Variants in MUSK observed in about 807,000 individuals in gnomAD.
MUSK encodes the protein muscle, skeletal receptor tyrosine-protein kinase.
A neutral mutation model predicts 88.7 loss-of-function variants in MUSK; 55 were observed. The ratio of observed to expected loss-of-function variants is 0.62; its 90% CI spans 0.50 to 0.78. The LOEUF (loss-of-function observed/expected upper bound fraction) is 0.78, where lower values mean the gene tolerates loss of function less well. Ranked by LOEUF, MUSK falls within the 30% of genes least tolerant of loss-of-function variation. MUSK has a pLI of 0.00. For missense variants in MUSK, 1,015 were observed against 1,074.3 expected, an observed-to-expected ratio of 0.94 and a Z score of 0.77; for synonymous variants, 387 against 391.9, an observed-to-expected ratio of 0.99 and a Z score of 0.15.
intron 7 of MUSK, among the ~76,000 whole-genome samples, chr9:110,753,677 C>T (rs891919646): frequency 1.3e-5 from 2 of 152,048 alleles, no homozygotes; most frequent in Admixed American, 6.6e-5. Context: ...TTCTTTGAAT[C>T]GACCTCAGGG....
rs2132025768 is a variant in MUSK at position 110,785,600 on chromosome 9, T to C, written c.1660T>C (p.Tyr554His). 1 of 1,613,526 alleles carries C rather than the reference T, an allele frequency of 6.2e-7. No homozygotes were observed. The highest frequency in any genetic ancestry group is 8.5e-7 in the Non-Finnish European group (1 of 1,179,674). The change falls in exon 13 of 15, where the codon TAC becomes CAC. Residue 554 changes from tyrosine to histidine, a missense_variant. By Grantham distance (83) the Tyr-to-His change is moderately conservative. Transcript: ENST00000374448. ...AGATAGACTTCATCCCAACCCCATG[T>C]ACCAGAGGATGCCGCTCCTTCTGAA... is the stretch of plus-strand genomic sequence containing the variant. ...LLDRLHPNPM[Y>H]QRMPLLLNPK...
At chr9:110,674,092 G>A (rs934951098) in intron 1 of MUSK, among the ~76,000 whole-genome samples, 4 of 152,018 alleles carry the variant, frequency 2.6e-5, no homozygotes, top group African/African-American at 7.2e-5. Flanking sequence ...AAAAAAAGAC[G>A]TGGATTTGTT....
At chr9:110,728,455 C>T (rs1177830319) in intron 5 of MUSK, among the ~76,000 whole-genome samples, 1 of 152,018 alleles carries the variant, frequency 6.6e-6, no homozygotes, top group South Asian at 2.1e-4. Flanking sequence ...TATAATACTG[C>T]CTGGCTAAAA....
At chr9:110,777,057 T>C (rs1251206294) in intron 11 of MUSK, among the ~76,000 whole-genome samples, 1 of 152,134 alleles carries the variant, frequency 6.6e-6, no homozygotes, top group Admixed American at 6.5e-5. Context: ...TCTTCATTTG[T>C]GACAATAGAT....
intron 1 of MUSK, among the ~76,000 whole-genome samples, chr9:110,672,756 C>A (rs902520403): frequency 1.3e-5 from 2 of 152,030 alleles, no homozygotes; most frequent in African/African-American, 4.8e-5. Context: ...GCAAATACAC[C>A]TTGTTTCTTT....
At position 110,780,628 on chromosome 9, in the gene MUSK, G is replaced by A. The variant is rs150318687; in HGVS notation, c.1384+3973G>A. On this transcript the variant is annotated intron_variant, in intron 11 of 14. Transcript: ENST00000374448. Reference sequence around the variant, plus strand: ...GTTGAAAAGTGTATTAACTGGGTATGGAACTCCTGAGTGACATTTCTTTGG... The same window carrying A: ...GTTGAAAAGTGTATTAACTGGGTATAGAACTCCTGAGTGACATTTCTTTGG... Among the ~76,000 whole-genome samples the A allele has an allele frequency of 7.2e-4, 110 of 152,276 alleles. 1 individual carries two copies. The highest frequency in any genetic ancestry group is 2.4e-3 in the African/African-American group (101 of 41,562).
At chr9:110,688,911 G>C (rs935186801) in intron 3 of MUSK, among the ~76,000 whole-genome samples, 2 of 143,872 alleles carry the variant, frequency 1.4e-5, no homozygotes, top group Non-Finnish European at 3.0e-5. Context: ...TTGTTTTTTT[G>C]TTATATATAT....
chr9:110,679,349 C>T (rs186104173), intron 1 of MUSK, among the ~76,000 whole-genome samples: 3 of 152,132 alleles, frequency 2.0e-5, no homozygotes, highest in African/African-American at 4.8e-5. Context: ...CTTATAAATG[C>T]ATATGCCCCT....
At chr9:110,673,333 T>C (rs2075984846) in intron 1 of MUSK, among the ~76,000 whole-genome samples, 1 of 152,208 alleles carries the variant, frequency 6.6e-6, no homozygotes, top group South Asian at 2.1e-4. Flanking sequence ...ATTTTTGTGA[T>C]ATGTAGACAA....
At chr9:110,693,668 G>A (rs2076388198) in intron 3 of MUSK, among the ~76,000 whole-genome samples, 1 of 152,184 alleles carries the variant, frequency 6.6e-6, no homozygotes, top group Admixed American at 6.5e-5. Context: ...TTTCCCAAAA[G>A]GGAATTCCTC....
intron 5 of MUSK, among the ~76,000 whole-genome samples, chr9:110,727,892 T>A (rs1052460288): frequency 6.6e-6 from 1 of 152,110 alleles, no homozygotes; most frequent in African/African-American, 2.4e-5. Context: ...AGGTTCAAAT[T>A]TACATGAACA....
At chr9:110,759,953 T>C (rs2077375059) in intron 7 of MUSK, among the ~76,000 whole-genome samples, 1 of 152,074 alleles carries the variant, frequency 6.6e-6, no homozygotes. Flanking sequence ...GGAAAATAAC[T>C]TGAACCCAGG....
intron 5 of MUSK, among the ~76,000 whole-genome samples, chr9:110,710,579 G>A (rs1454815250): frequency 6.6e-6 from 1 of 152,076 alleles, no homozygotes; most frequent in East Asian, 1.9e-4. Flanking sequence ...AATCAGCAAT[G>A]CTTTGTACCT....
At chr9:110,694,406 AC>A (rs57108401) in intron 3 of MUSK, among the ~76,000 whole-genome samples, 5,327 of 119,386 alleles carry the variant, frequency 0.045, 254 homozygotes, top group East Asian at 0.082. Flanking sequence ...AAAAAAAAAA[AC>A]AAAAAAACAA....
intron 1 of MUSK, 99 bp from the exon 2 acceptor site, chr9:110,682,575 G>C: frequency 8.2e-7 from 1 of 1,213,160 alleles, no homozygotes; most frequent in Non-Finnish European, 1.1e-6. Flanking sequence ...TGGGGAAACA[G>C]AATTCTCATT....
At chr9:110,728,748 T>G (rs1168647255) in intron 5 of MUSK, 1 of 1,549,636 alleles carries the variant, frequency 6.5e-7, no homozygotes, top group Non-Finnish European at 8.7e-7. Context: ...ATGGCTTCTT[T>G]TTAATTGTGT....
chr9:110,751,753 A>C (rs1294460701), intron 7 of MUSK, among the ~76,000 whole-genome samples: 1 of 152,072 alleles, frequency 6.6e-6, no homozygotes, highest in Admixed American at 6.5e-5. Flanking sequence ...GTAGAGGTAG[A>C]GAAGGCAGCA....
intron 5 of MUSK, among the ~76,000 whole-genome samples, chr9:110,706,863 G>T (rs1045870689): frequency 6.6e-6 from 1 of 152,036 alleles, no homozygotes; most frequent in African/African-American, 2.4e-5. Context: ...AATTAGCCGG[G>T]CATGGTGGTG....
intron 1 of MUSK, among the ~76,000 whole-genome samples, chr9:110,680,843 G>C (rs1356298693): frequency 6.9e-6 from 1 of 144,156 alleles, no homozygotes; most frequent in Non-Finnish European, 1.5e-5. Context: ...ACTCCTATCA[G>C]AGGTGTATTA....
Sources: allele counts gnomAD v4.1 joint callset (sites outside exome capture counted in the v4.1 genomes callset), GRCh38; gene constraint gnomAD v4.1.1; transcripts MANE v1.5; gene names NCBI Gene and HGNC (gene_info 2026-07-23, HGNC 2026-07-21).